PDC: variants seen among roughly 807,000 people sequenced by gnomAD.
The protein encoded by PDC is phosducin.
PDC carries 19 observed loss-of-function variants against 22.2 expected under a neutral mutation model. That is an observed-to-expected ratio of 0.86 (90% CI 0.60 to 1.26). The LOEUF (loss-of-function observed/expected upper bound fraction) is 1.26, where lower values mean the gene tolerates loss of function less well. Ranked by LOEUF, PDC falls within the 50% of genes most tolerant of loss-of-function variation. PDC has a pLI of 0.00. For missense variants in PDC, 274 were observed against 286.8 expected, an observed-to-expected ratio of 0.96 and a Z score of 0.32; for synonymous variants, 97 against 96.2, an observed-to-expected ratio of 1.01 and a Z score of -0.05.
At position 186,443,650 on chromosome 1, in the gene PDC, G is replaced by A. The variant is rs555264779; in HGVS notation, c.*329C>T. On this transcript the variant is annotated 3_prime_UTR_variant, in exon 4 of 4. Coordinates refer to ENST00000391997, the MANE Select transcript of PDC (RefSeq NM_002597.5). ...TATAATGAATAATGTAATTTGAAAA[G>A]TCCAAATAATAACAGTGATGAGGGA... The A allele has an allele frequency of 2.1e-5, 4 of 194,068 alleles. No individual in the cohort carries two copies. The South Asian group carries it at 6.3e-4, about 31-fold the overall frequency. 12.0% of individuals were successfully genotyped at this position (194,068 alleles called of 1,614,324 possible).
rs181069066 is a variant in PDC at position 186,457,440 on chromosome 1, G to A, written c.-25+3619C>T. On this transcript the variant is annotated intron_variant, in intron 1 of 3. Transcript: ENST00000391997. ...TTAATTGGAATTGGAAAATGGGAATGATTATTTAATTTGAATGTAGCATAC... is the reference window on the plus strand; with the variant it reads ...TTAATTGGAATTGGAAAATGGGAATAATTATTTAATTTGAATGTAGCATAC... Among the ~76,000 whole-genome samples the A allele has an allele frequency of 1.4e-4, 21 of 152,214 alleles. No individual in the cohort carries two copies. In the East Asian group the frequency reaches 3.1e-3, roughly 22 times the overall value.
chr1:186,453,419 A>T (rs1300834465), intron 1 of PDC, among the ~76,000 whole-genome samples: 1 of 152,206 alleles, frequency 6.6e-6, no homozygotes, highest in Non-Finnish European at 1.5e-5. Flanking sequence ...GACAATTGTT[A>T]GTCACTTCAA....
rs181252741 is a variant in PDC at position 186,447,209 on chromosome 1, C to T, written c.62-632G>A. On this transcript the variant is annotated intron_variant, in intron 2 of 3. Transcript: ENST00000391997. ...TGTTGCCCAGGCTGAAGTGTAGGGG[C>T]GTGATTTTGGCTCACCGCAACCTCC... Among the ~76,000 whole-genome samples, 4 of 151,678 alleles carry T rather than the reference C, an allele frequency of 2.6e-5. No individual in the cohort carries two copies. In the East Asian group the frequency reaches 5.8e-4, roughly 22 times the overall value.
At position 186,456,196 on chromosome 1, in the gene PDC, G is replaced by C. The variant is rs184377638; in HGVS notation, c.-25+4863C>G. ...ATCAGAAAAGTGGTACACAGATTTAGTATACAGCATATATACTCACTTTAG... is the reference window on the plus strand; with the variant it reads ...ATCAGAAAAGTGGTACACAGATTTACTATACAGCATATATACTCACTTTAG... On this transcript the variant is annotated intron_variant, in intron 1 of 3. Coordinates refer to ENST00000391997, the MANE Select transcript of PDC (RefSeq NM_002597.5). 2.7e-3 allele frequency among the ~76,000 whole-genome samples: 409 copies of C among 151,546 alleles called. 2 individuals carry two copies. Among genetic ancestry groups the C allele is most frequent in the African/African-American group, 9.1e-3 (377 of 41,358 alleles).
intron 3 of PDC, among the ~76,000 whole-genome samples, chr1:186,444,725 A>C (rs1662185644): frequency 6.6e-6 from 1 of 151,674 alleles, no homozygotes; most frequent in Admixed American, 6.6e-5. Context: ...CCCATCTCAC[A>C]CTCTCCATCT....
chr1:186,451,071 G>C (rs892843508), intron 1 of PDC: 2 of 152,286 alleles, frequency 1.3e-5, no homozygotes, highest in Non-Finnish European at 1.5e-5. Flanking sequence ...CCAAGGCGCA[G>C]GGTGGTAACA....
chr1:186,448,733 A>C, intron 2 of PDC: 2 of 821,594 alleles, frequency 2.4e-6, no homozygotes, highest in Non-Finnish European at 2.9e-6. Flanking sequence ...TTTGGCTGGT[A>C]CTCTTGTGAA....
In PDC at chr1:186,446,452, C is replaced by A; in HGVS notation, c.187G>T (p.Asp63Tyr). ...MSSPQSRNGK[D>Y]SKERVSRKMS... ...TTTCTGCTGACTCGTTCCTTTGAATCTTTGCCATTCCTACTCTGAGGAGAA... is the reference window on the plus strand; with the variant it reads ...TTTCTGCTGACTCGTTCCTTTGAATATTTGCCATTCCTACTCTGAGGAGAA... Residue 63 changes from aspartate to tyrosine, a missense_variant, in exon 3 of 4, where the codon GAT becomes TAT. Asp to Tyr is a radical substitution (Grantham distance 160, BLOSUM62 -3). Transcript: ENST00000391997. 1 of 1,604,270 alleles carries A rather than the reference C, an allele frequency of 6.2e-7. No individual in the cohort carries two copies. The highest frequency in any genetic ancestry group is 8.5e-7 in the Non-Finnish European group (1 of 1,174,256).
At chr1:186,455,994 A>AAAAAAATAT (rs1553242743) in intron 1 of PDC, among the ~76,000 whole-genome samples, 14 of 77,090 alleles carry the variant, frequency 1.8e-4, no homozygotes, top group Admixed American at 4.3e-4. Flanking sequence ...AAAAAAAAAA[A>AAAAAAATAT]ATATATATAT....
chr1:186,449,603 G>A, intron 1 of PDC, 120 bp from the exon 2 acceptor site: 1 of 488,944 alleles, frequency 2.0e-6, no homozygotes, highest in East Asian at 3.0e-5. Context: ...GATTCCATAA[G>A]TAGGCTAAGG....
At chr1:186,445,389 T>G (rs1558122803) in intron 3 of PDC, among the ~76,000 whole-genome samples, 1 of 152,230 alleles carries the variant, frequency 6.6e-6, no homozygotes, top group Non-Finnish European at 1.5e-5. Context: ...TAGTGTCATT[T>G]TACAGAAGAC....
chr1:186,449,465 G>T lies in PDC; in HGVS notation c.-6C>A. On this transcript the variant is annotated 5_prime_UTR_variant, in exon 2 of 4. Coordinates refer to ENST00000391997, the MANE Select transcript of PDC (RefSeq NM_002597.5). ...TGGCTTTTGGCTTCTTCCATTTTAG[G>T]GACTGGATTTGATATAATCTATAGG... is the stretch of plus-strand genomic sequence containing the variant. 6.3e-7 allele frequency: 1 copy of T among 1,582,422 alleles called. No homozygotes were observed. The highest frequency in any genetic ancestry group is 8.7e-7 in the Non-Finnish European group (1 of 1,154,190).
chr1:186,452,830 G>C (rs1006194618), intron 1 of PDC, among the ~76,000 whole-genome samples: 1 of 152,112 alleles, frequency 6.6e-6, no homozygotes, highest in Non-Finnish European at 1.5e-5. Context: ...AGGCAAGAAG[G>C]CAGAAGGTAA....
rs756424487 is a variant in PDC at position 186,444,038 on chromosome 1, G to A, written c.682C>T (p.Pro228Ser). ...ESFLNEYGLL[P>S]EREVHVLEHT... is the part of the protein sequence containing the mutation. ...TCTAGGACATGTACCTCTCTTTCAG[G>A]TAGTAACCCATATTCATTTAGGAAA... Residue 228 changes from proline (P) to serine (S), a missense_variant, in exon 4 of 4, where the codon CCT becomes TCT. Transcript: ENST00000391997. 1.9e-5 allele frequency: 30 copies of A among 1,612,064 alleles called. No homozygotes were observed. The highest frequency in any genetic ancestry group is 2.5e-5 in the Non-Finnish European group (30 of 1,178,370).
intron 1 of PDC, among the ~76,000 whole-genome samples, chr1:186,457,953 A>T (rs1282439926): frequency 6.6e-6 from 1 of 152,200 alleles, no homozygotes; most frequent in African/African-American, 2.4e-5. Flanking sequence ...ATAAGACACT[A>T]TAGAACTGAT....
In PDC at chr1:186,444,523, G is replaced by C. The variant is rs986809948; in HGVS notation, c.214-17C>G. 4.7e-6 allele frequency: 7 copies of C among 1,503,922 alleles called. No homozygotes were observed. Among genetic ancestry groups the C allele is most frequent in the Non-Finnish European group, 6.4e-6 (7 of 1,091,486 alleles). The allele number at this position is 1,503,922 out of a possible 1,614,324, so 93.2% of individuals were successfully genotyped here. On this transcript the variant is annotated splice_polypyrimidine_tract_variant and intron_variant, in intron 3 of 3. Coordinates refer to ENST00000391997, the MANE Select transcript of PDC (RefSeq NM_002597.5). The stretch of plus-strand genomic sequence containing the variant: ...AATGCTCATCTGAGAATAAAGAAAT[G>C]ATAGAAATTATTAAGTCAGAAGTTT...
At chr1:186,458,122 A>T (rs1336361269) in intron 1 of PDC, among the ~76,000 whole-genome samples, 1 of 152,072 alleles carries the variant, frequency 6.6e-6, no homozygotes, top group Non-Finnish European at 1.5e-5. Flanking sequence ...CAGTAAAAAA[A>T]AATTTACTCT....
intron 1 of PDC, among the ~76,000 whole-genome samples, chr1:186,454,898 G>A (rs2102136445): frequency 6.6e-6 from 1 of 152,282 alleles, no homozygotes; most frequent in Non-Finnish European, 1.5e-5. Context: ...TCTAAAATAA[G>A]TCTATTTGTT....
chr1:186,449,534 A>C, intron 1 of PDC, 51 bp from the exon 2 acceptor site: 1 of 899,120 alleles, frequency 1.1e-6, no homozygotes, highest in Non-Finnish European at 1.8e-6. Flanking sequence ...CAGGATGTAC[A>C]TACATATATA....
Sources: allele counts gnomAD v4.1 joint callset (sites outside exome capture counted in the v4.1 genomes callset), GRCh38; gene constraint gnomAD v4.1.1; transcripts MANE v1.5; gene names NCBI Gene and HGNC (gene_info 2026-07-23, HGNC 2026-07-21).